PTAFR: variants seen among roughly 807,000 people sequenced by gnomAD.
PTAFR encodes platelet activating factor receptor.
Under a neutral mutation model 14.7 loss-of-function variants are expected in PTAFR, and 8 were observed. The ratio of observed to expected loss-of-function variants is 0.54; its 90% CI spans 0.32 to 0.98. PTAFR has a LOEUF of 0.98. Ranked by LOEUF, PTAFR falls within the 50% of genes least tolerant of loss-of-function variation. PTAFR has a pLI of 0.04. For missense variants in PTAFR, 337 were observed against 451.2 expected, an observed-to-expected ratio of 0.75 and a Z score of 2.29; for synonymous variants, 156 against 176.5, an observed-to-expected ratio of 0.88 and a Z score of 0.92.
intron 1 of PTAFR, 104 bp downstream of exon 1, chr1:28,176,488 C>CCCATCTG (rs1406682263): frequency 1.3e-5 from 2 of 152,422 alleles, no homozygotes; most frequent in African/African-American, 4.9e-5. Flanking sequence ...AATAGAAGCA[C>CCCATCTG]CCATCTGCTT....
At chr1:28,177,271 C>T (rs1646525172), upstream of PTAFR, 1 of 152,374 alleles carries the variant, frequency 6.6e-6, no homozygotes, top group East Asian at 1.9e-4. Context: ...AGAATGCCCG[C>T]TGGGATATAA....
chr1:28,160,375 A>G (rs1646308783), intron 1 of PTAFR, among the ~76,000 whole-genome samples: 1 of 151,580 alleles, frequency 6.6e-6, no homozygotes, highest in South Asian at 2.1e-4. Context: ...AACCTGGGCA[A>G]CACAGCAAGG....
chr1:28,179,396 C>A (rs967693310), upstream of PTAFR, among the ~76,000 whole-genome samples: 3 of 152,176 alleles, frequency 2.0e-5, no homozygotes, highest in Non-Finnish European at 4.4e-5. Flanking sequence ...TTGAGATTAT[C>A]AATAAGCAGG....
At chr1:28,183,063 C>T (rs1646575433) in intron 1 of PTAFR, among the ~76,000 whole-genome samples, 1 of 150,990 alleles carries the variant, frequency 6.6e-6, no homozygotes, top group Non-Finnish European at 1.5e-5. Context: ...TTTTTTAAAG[C>T]AATACTTGTT....
At chr1:28,191,487 G>A (rs79931661) in intron 1 of PTAFR, among the ~76,000 whole-genome samples, 3,407 of 152,172 alleles carry the variant, frequency 0.022, 141 homozygotes, top group African/African-American at 0.077. Flanking sequence ...TAGTCCAAGC[G>A]TTTTGGGAGG....
chr1:28,174,982 G>C (rs138376547), intron 1 of PTAFR, among the ~76,000 whole-genome samples: 2 of 152,028 alleles, frequency 1.3e-5, no homozygotes, highest in Admixed American at 1.3e-4. Flanking sequence ...GCTGGAGTGC[G>C]ATGGCGCCAT....
chr1:28,186,339 A>C (rs1254289121), intron 1 of PTAFR, among the ~76,000 whole-genome samples: 6 of 152,140 alleles, frequency 3.9e-5, no homozygotes, highest in African/African-American at 1.4e-4. Flanking sequence ...TAAAAAAAAA[A>C]CAAGAATTAA....
chr1:28,174,757 A>G (rs895309744), intron 1 of PTAFR, among the ~76,000 whole-genome samples: 1 of 152,184 alleles, frequency 6.6e-6, no homozygotes, highest in East Asian at 1.9e-4. Context: ...ACAGTGAACA[A>G]AACAGTTTCC....
intron 1 of PTAFR, among the ~76,000 whole-genome samples, chr1:28,173,613 T>A (rs1278022503): frequency 6.7e-6 from 1 of 148,186 alleles, no homozygotes; most frequent in East Asian, 2.0e-4. Context: ...ATCACGCCAC[T>A]GCATTCCAGC....
At chr1:28,183,945 T>C (rs1390422724) in intron 1 of PTAFR, among the ~76,000 whole-genome samples, 3 of 151,968 alleles carry the variant, frequency 2.0e-5, no homozygotes, top group Non-Finnish European at 4.4e-5. Flanking sequence ...GATAGATAGA[T>C]AGATGATAGA....
chr1:28,159,259 G>C (rs1344703257), intron 1 of PTAFR, among the ~76,000 whole-genome samples: 1 of 152,146 alleles, frequency 6.6e-6, no homozygotes, highest in Non-Finnish European at 1.5e-5. Flanking sequence ...AGTCAGAGGA[G>C]GACAGACCTA....
rs375912862 is a variant in PTAFR at position 28,148,314 on chromosome 1, C to T, written c.*1679G>A. On this transcript the variant is annotated 3_prime_UTR_variant, in exon 2 of 2. Coordinates refer to ENST00000373857, the MANE Select transcript of PTAFR (RefSeq NM_000952.5). ...TGCTGACAGTAACTGCTCCTCCCAC[C>T]TCCTGGAAGCTATGTTAGGAGGACC... 14 of 152,352 alleles carry T rather than the reference C, an allele frequency of 9.2e-5. No homozygotes were observed. In the East Asian group the frequency reaches 2.7e-3, roughly 29 times the overall value. 9.4% of individuals were successfully genotyped at this position (152,352 alleles called of 1,614,324 possible). A position where few individuals can be genotyped will look rare whatever the true frequency, so the allele number is the denominator to read the frequency against.
chr1:28,150,460 GGAT>G lies in PTAFR; in HGVS notation c.559_561del (p.Ile187del). On this transcript the variant is annotated inframe_deletion, in exon 2 of 2. Coordinates refer to ENST00000373857, the MANE Select transcript of PTAFR (RefSeq NM_000952.5). This position sits in a 1 kb window ranked among gnomAD's most constrained non-coding sequence, Gnocchi z 6.3. ...AAGAAGCTGAACACGATGAAGATGTGGATGATGAGGACTGGCACGCTGCCCTTC... is the reference window on the plus strand; with the variant it reads ...AAGAAGCTGAACACGATGAAGATGTGGATGAGGACTGGCACGCTGCCCTTC... The G allele has an allele frequency of 6.2e-7, 1 of 1,614,222 alleles. No individual in the cohort carries two copies. Among genetic ancestry groups the G allele is most frequent in the Non-Finnish European group, 8.5e-7 (1 of 1,180,030 alleles).
chr1:28,157,161 AC>A (rs2148994937), intron 1 of PTAFR, among the ~76,000 whole-genome samples: 1 of 152,296 alleles, frequency 6.6e-6, no homozygotes, highest in African/African-American at 2.4e-5. Flanking sequence ...TATTTTTGAG[AC>A]AGGGCTTGGC....
At chr1:28,184,331 G>C (rs1646588861) in intron 1 of PTAFR, among the ~76,000 whole-genome samples, 2 of 151,936 alleles carry the variant, frequency 1.3e-5, no homozygotes, top group African/African-American at 4.8e-5. Context: ...GACCTCACGT[G>C]ATCCGCCCAC....
chr1:28,158,606 G>A (rs545947334), intron 1 of PTAFR, among the ~76,000 whole-genome samples: 9 of 152,220 alleles, frequency 5.9e-5, no homozygotes, highest in Non-Finnish European at 1.0e-4. Flanking sequence ...GCTGAGGCAG[G>A]AGAATCGCTT....
At position 28,189,918 on chromosome 1, in the gene PTAFR, A is replaced by C. The variant is rs555982920; in HGVS notation, c.-39+3804T>G. Among the ~76,000 whole-genome samples, 11 of 152,092 alleles carry C rather than the reference A, an allele frequency of 7.2e-5. No individual in the cohort carries two copies. The South Asian group carries it at 2.3e-3, about 32-fold the overall frequency. ...TGGAATCAAGTGATCTGCCTGCCTTAGTCTCCCAAAGTGCTGGGATTACAG... is the reference window on the plus strand; with the variant it reads ...TGGAATCAAGTGATCTGCCTGCCTTCGTCTCCCAAAGTGCTGGGATTACAG... On this transcript the variant is annotated intron_variant, in intron 1 of 1. Coordinates refer to the PTAFR transcript ENST00000305392.
intron 1 of PTAFR, among the ~76,000 whole-genome samples, chr1:28,187,045 C>A (rs916311533): frequency 6.6e-6 from 1 of 152,222 alleles, no homozygotes; most frequent in South Asian, 2.1e-4. Flanking sequence ...CCCGCCTCGG[C>A]CTCCCAAAGT....
At chr1:28,155,843 G>C (rs1392951907) in intron 1 of PTAFR, among the ~76,000 whole-genome samples, 2 of 152,106 alleles carry the variant, frequency 1.3e-5, no homozygotes, top group African/African-American at 4.8e-5. Flanking sequence ...ACTCCAGCCT[G>C]GGCAACACAG....
Sources: gnomAD v4.1 joint callset for allele counts (sites outside exome capture counted in the v4.1 genomes callset) on GRCh38, gnomAD v4.1.1 for gene constraint, Gnocchi (gnomAD v3.1) non-coding constraint, MANE v1.5 for transcripts, NCBI Gene and HGNC (gene_info 2026-07-23, HGNC 2026-07-21) for gene names.